The following RPS3 variants were observed in gnomAD, a reference collection of about 807,000 sequenced individuals.
RPS3 encodes the protein ribosomal protein S3.
A neutral mutation model predicts 25.8 loss-of-function variants in RPS3; 2 were observed. The observed-to-expected ratio is 0.08, with a 90% CI of 0.03 to 0.24. The LOEUF (loss-of-function observed/expected upper bound fraction) is 0.24, where lower values mean the gene tolerates loss of function less well. Among genes scored for constraint, RPS3 ranks in the 10% least tolerant of loss-of-function variants. The probability of loss-of-function intolerance (pLI) is 1.00; values close to 1 mark genes in which losing one functional copy is unlikely to be tolerated. For synonymous variants in RPS3, 114 were observed against 114.2 expected, an observed-to-expected ratio of 1.00 and a Z score of 0.01; for missense variants, 107 against 307.1, an observed-to-expected ratio of 0.35 and a Z score of 4.87.
chr11:75,400,364 G>C (rs1015031081), intron 1 of RPS3: 1 of 524,838 alleles, frequency 1.9e-6, no homozygotes, highest in Admixed American at 1.9e-5. Context: ...GCAGTTTCTT[G>C]TTTTGCATGT....
intron 4 of RPS3, chr11:75,403,047 G>C (rs1948234723): frequency 1.3e-5 from 2 of 152,214 alleles, no homozygotes; most frequent in Non-Finnish European, 2.9e-5. Flanking sequence ...GAAGTTCTTT[G>C]TGCAGTTTGA....
At chr11:75,409,217 TGGGTGTTTCTC>T (rs1948319177), downstream of RPS3, among the ~76,000 whole-genome samples, 1 of 148,442 alleles carries the variant, frequency 6.7e-6, no homozygotes, top group South Asian at 2.1e-4. Context: ...TGATCATTCT[TGGGTGTTTCTC>T]GCAGAGGGGG....
At chr11:75,401,886 G>C in intron 3 of RPS3, 153 bp downstream of exon 3, 2 of 606,996 alleles carry the variant, frequency 3.3e-6, no homozygotes, top group East Asian at 5.6e-5. Flanking sequence ...AACTTTGTAA[G>C]CCTATTCTGC....
At chr11:75,412,611 G>C (rs1948367314) in intron 6 of RPS3, among the ~76,000 whole-genome samples, 1 of 152,152 alleles carries the variant, frequency 6.6e-6, no homozygotes, top group Non-Finnish European at 1.5e-5. Flanking sequence ...CAAAGTAACT[G>C]GATGTTCTCT....
intron 6 of RPS3, among the ~76,000 whole-genome samples, chr11:75,419,757 C>T (rs1280788619): frequency 6.6e-6 from 1 of 152,056 alleles, no homozygotes; most frequent in Non-Finnish European, 1.5e-5. Context: ...CCTCAGCCTC[C>T]CCGGTAGCTG....
At chr11:75,402,299 T>C in intron 3 of RPS3, 53 bp from the exon 4 acceptor site, 1 of 1,596,120 alleles carries the variant, frequency 6.3e-7, no homozygotes, top group Non-Finnish European at 8.6e-7. Context: ...ATTTTCAACT[T>C]TCAGTTGAAA....
chr11:75,412,051 T>C (rs1948361856), intron 6 of RPS3, among the ~76,000 whole-genome samples: 1 of 152,206 alleles, frequency 6.6e-6, no homozygotes, highest in African/African-American at 2.4e-5. Context: ...TCCAGTTAAA[T>C]ACCCAGGTAA....
At chr11:75,410,240 C>G (rs1174090801), downstream of RPS3, among the ~76,000 whole-genome samples, 2 of 150,116 alleles carry the variant, frequency 1.3e-5, no homozygotes, top group African/African-American at 4.9e-5. Flanking sequence ...GACGGGGTGG[C>G]TGCTGGACGG....
At chr11:75,415,259 C>T (rs1948386503) in intron 6 of RPS3, among the ~76,000 whole-genome samples, 1 of 152,224 alleles carries the variant, frequency 6.6e-6, no homozygotes, top group Non-Finnish European at 1.5e-5. Context: ...TTGGACCTTT[C>T]TGATCCTCAG....
At chr11:75,418,193 T>C (rs1268672587) in intron 6 of RPS3, among the ~76,000 whole-genome samples, 1 of 152,232 alleles carries the variant, frequency 6.6e-6, no homozygotes, top group Non-Finnish European at 1.5e-5. Flanking sequence ...CTGCTGCCCC[T>C]GGCCCCAGAT....
intron 6 of RPS3, among the ~76,000 whole-genome samples, chr11:75,420,901 G>A (rs1801810905): frequency 6.6e-6 from 1 of 152,090 alleles, no homozygotes; most frequent in Non-Finnish European, 1.5e-5. Context: ...GTGCACGAAA[G>A]CGCACTGGAG....
At position 75,406,470 on chromosome 11, in the gene RPS3, T is replaced by C. The variant is rs1948289512; in HGVS notation, c.*860T>C. 6.6e-6 allele frequency: 1 copy of C among 152,238 alleles called. No homozygotes were observed. Among genetic ancestry groups the C allele is most frequent in the African/African-American group, 2.4e-5 (1 of 41,452 alleles). The allele number at this position is 152,238 out of a possible 1,614,324, so 9.4% of individuals were successfully genotyped here. ...TGCAGCCTGGCTGATGAGATAACCC[T>C]GGCTCCACAGATGGCTTAGCAGGTG... is the stretch of plus-strand genomic sequence containing the variant. On this transcript the variant is annotated 3_prime_UTR_variant, in exon 7 of 7. Transcript: ENST00000531188.
Position 75,404,915 on chromosome 11 carries a change from C to T in RPS3, c.*3+47C>T. 7.7e-7 allele frequency: 1 copy of T among 1,302,866 alleles called. No individual in the cohort carries two copies. The highest frequency in any genetic ancestry group is 1.1e-6 in the Non-Finnish European group (1 of 946,874). The allele number at this position is 1,302,866 out of a possible 1,614,324, so 80.7% of individuals were successfully genotyped here. A position where few individuals can be genotyped will look rare whatever the true frequency, so the allele number is the denominator to read the frequency against. On this transcript the variant is annotated intron_variant, in intron 6 of 6. Coordinates refer to ENST00000531188, the MANE Select transcript of RPS3 (RefSeq NM_001005.5). The surrounding 1 kb of genome is among the most constrained non-coding windows in gnomAD (Gnocchi z 4.6). ...CCTCTTGGGGCATAATAGGGTCCTT[C>T]CGAGTCTTTCTGTTAATACTTGTAT...
At chr11:75,410,350 A>G (rs1592029432), downstream of RPS3, among the ~76,000 whole-genome samples, 1 of 144,752 alleles carries the variant, frequency 6.9e-6, no homozygotes. Flanking sequence ...CATCCCAGAC[A>G]GGGCGGCGGG....
In RPS3 at chr11:75,412,893, G is replaced by A. The variant is rs571803119; in HGVS notation, c.*3+8025G>A. ...CCAGGCAAGTGATTCTTGTGCCTCA[G>A]CCTCAAGAGGTGGGACTGCAGGCAA... On this transcript the variant is annotated intron_variant, in intron 6 of 6. Coordinates refer to the RPS3 transcript ENST00000527446. Among the ~76,000 whole-genome samples, 271 of 152,058 alleles carry A rather than the reference G, an allele frequency of 1.8e-3. 1 individual carries two copies. Among genetic ancestry groups the A allele is most frequent in the African/African-American group, 6.2e-3 (256 of 41,490 alleles).
At chr11:75,399,930 G>T in intron 1 of RPS3, 1 of 383,564 alleles carries the variant, frequency 2.6e-6, no homozygotes, top group East Asian at 5.5e-5. Flanking sequence ...AGAGAAGGCA[G>T]CAGTGTATTC....
At chr11:75,421,708 T>A (rs1462656176) in intron 6 of RPS3, 1 of 152,204 alleles carries the variant, frequency 6.6e-6, no homozygotes, top group Non-Finnish European at 1.5e-5. Flanking sequence ...GATCCATAAC[T>A]GTTTTTGTTT....
At position 75,404,955 on chromosome 11, in the gene RPS3, A is replaced by G. The variant is rs556868870; in HGVS notation, c.*3+87A>G. On this transcript the variant is annotated intron_variant, in intron 6 of 6. Coordinates refer to ENST00000531188, the MANE Select transcript of RPS3 (RefSeq NM_001005.5). The surrounding 1 kb of genome is among the most constrained non-coding windows in gnomAD (Gnocchi z 4.6). Reference sequence around the variant, plus strand: ...AATACTTGTATCCCACATTCTGGTAAGCGTTTGGTGAATAAAAATTTCATT... The same window carrying G: ...AATACTTGTATCCCACATTCTGGTAGGCGTTTGGTGAATAAAAATTTCATT... 2 of 889,604 alleles carry G rather than the reference A, an allele frequency of 2.2e-6. No individual in the cohort carries two copies. The highest frequency in any genetic ancestry group is 3.3e-6 in the Non-Finnish European group (2 of 601,328). The allele number at this position is 889,604 out of a possible 1,614,324, so 55.1% of individuals were successfully genotyped here. A position where few individuals can be genotyped will look rare whatever the true frequency, so the allele number is the denominator to read the frequency against.
downstream of RPS3, among the ~76,000 whole-genome samples, chr11:75,408,584 T>C (rs1214353567): frequency 6.6e-6 from 1 of 151,276 alleles, no homozygotes; most frequent in Non-Finnish European, 1.5e-5. Flanking sequence ...AAGTGGGAGG[T>C]TTTTTTTCTT....
Sources: allele counts gnomAD v4.1 joint callset (sites outside exome capture counted in the v4.1 genomes callset), GRCh38; gene constraint gnomAD v4.1.1; non-coding constraint Gnocchi (gnomAD v3.1); transcripts MANE v1.5; gene names NCBI Gene and HGNC (gene_info 2026-07-23, HGNC 2026-07-21).